The following IL4I1 variants were observed in gnomAD, a reference collection of about 807,000 sequenced individuals.
IL4I1 encodes L-amino-acid oxidase.
In IL4I1, 24 loss-of-function variants were observed where a neutral mutation model predicts 29.7. The observed-to-expected ratio is 0.81, with a 90% CI of 0.59 to 1.14. The LOEUF (loss-of-function observed/expected upper bound fraction) is 1.14. Among genes scored for constraint, IL4I1 ranks in the 50% most tolerant of loss-of-function variants. The pLI, the probability that IL4I1 is intolerant of heterozygous loss-of-function variation, is 0.00. For synonymous variants in IL4I1, 371 were observed against 352.5 expected (o/e 1.05, Z -0.59); for missense variants, 686 against 785.6 (o/e 0.87, Z 1.52).
intron 7 of IL4I1, 42 bp downstream of exon 7, chr19:49,890,929 G>GCCCGGC: frequency 2.2e-6 from 1 of 454,452 alleles, no homozygotes; most frequent in Non-Finnish European, 3.5e-6. Flanking sequence ...TTCCCTGATT[G>GCCCGGC]CCCCCCGCCC....
rs1178865998 is a variant in IL4I1 at position 49,921,101 on chromosome 19, T to C, written c.-228+6593A>G. On this transcript the variant is annotated intron_variant, in intron 2 of 9. Transcript: ENST00000341114. The surrounding 1 kb of genome is among the most constrained non-coding windows in gnomAD (Gnocchi z 5.4). Reference sequence around the variant, plus strand: ...CGGACATCTCCACACCCACATTTCATGGCATTTCTCACGCGCTGGGCTGTT... The same window carrying C: ...CGGACATCTCCACACCCACATTTCACGGCATTTCTCACGCGCTGGGCTGTT... Among the ~76,000 whole-genome samples, 3 of 152,308 alleles carry C rather than the reference T, an allele frequency of 2.0e-5. No homozygotes were observed. In the East Asian group the frequency reaches 5.8e-4, roughly 29 times the overall value.
intron 2 of IL4I1, chr19:49,909,559 C>G (rs780658950): frequency 1.2e-6 from 2 of 1,614,138 alleles, no homozygotes; most frequent in Admixed American, 3.3e-5. Flanking sequence ...CAGTTCCCCC[C>G]GAAGCAAGAG....
At chr19:49,890,713 C>T in intron 7 of IL4I1, 113 bp from the exon 8 acceptor site, 2 of 994,732 alleles carry the variant, frequency 2.0e-6, no homozygotes, top group Non-Finnish European at 1.4e-6. Context: ...GCCCGCTCCC[C>T]CGTCATCCAC....
chr19:49,923,744 C>T (rs910393081), intron 2 of IL4I1, among the ~76,000 whole-genome samples: 3 of 152,232 alleles, frequency 2.0e-5, no homozygotes, highest in Non-Finnish European at 2.9e-5. Context: ...CCCCATTTTA[C>T]GGAGGGGAAA....
At chr19:49,901,978 T>G in intron 3 of IL4I1, 1 of 270,344 alleles carries the variant, frequency 3.7e-6, no homozygotes, top group Non-Finnish European at 7.0e-6. Context: ...GGATTTATTT[T>G]AGAGCAAGTC....
At chr19:49,907,064 C>T (rs897121324) in intron 2 of IL4I1, 6 of 156,024 alleles carry the variant, frequency 3.8e-5, no homozygotes, top group African/African-American at 1.4e-4. Flanking sequence ...TGACGTTACA[C>T]TGGGCTTCAT....
intron 2 of IL4I1, chr19:49,909,817 C>T: frequency 6.2e-7 from 1 of 1,613,750 alleles, no homozygotes. Context: ...TGGCTCCGGA[C>T]TCTGGTGGCG....
At chr19:49,891,217 T>G in intron 6 of IL4I1, 110 bp from the exon 7 acceptor site, 1 of 1,495,130 alleles carries the variant, frequency 6.7e-7, no homozygotes, top group African/African-American at 1.4e-5. Flanking sequence ...GACCGTAGGA[T>G]CCTGTCCCCA....
intron 2 of IL4I1, chr19:49,909,642 A>ACCCTTCCACAAC (rs1244976439): frequency 6.2e-7 from 1 of 1,614,000 alleles, no homozygotes; most frequent in Non-Finnish European, 8.5e-7. Flanking sequence ...AGGCCGGTGG[A>ACCCTTCCACAAC]AGGGGTACTT....
At position 49,905,938 on chromosome 19, in the gene IL4I1, G is replaced by A. The variant is rs184720731; in HGVS notation, c.-227-1617C>T. ...AATAATGACTCATGATCATGACTTC[G>A]GGAGACTTTTGGAACCTGGGCCATG... On this transcript the variant is annotated intron_variant, in intron 2 of 9. Coordinates refer to the IL4I1 transcript ENST00000341114. Among the ~76,000 whole-genome samples the A allele has an allele frequency of 8.0e-4, 122 of 152,098 alleles. 2 individuals carry two copies. The East Asian group carries it at 0.023, about 28-fold the overall frequency.
chr19:49,925,503 C>A (rs2075866534), intron 2 of IL4I1, among the ~76,000 whole-genome samples: 1 of 151,540 alleles, frequency 6.6e-6, no homozygotes, highest in Non-Finnish European at 1.5e-5. Context: ...ATCCCGCAAT[C>A]CCAGTCTGAG....
At chr19:49,908,850 C>T (rs994182734) in intron 2 of IL4I1, 2 of 1,612,102 alleles carry the variant, frequency 1.2e-6, no homozygotes, top group African/African-American at 1.3e-5. Flanking sequence ...GCCGCCCCTG[C>T]AGCTGCGCCA....
intron 2 of IL4I1, among the ~76,000 whole-genome samples, chr19:49,914,557 G>A (rs973825378): frequency 6.6e-6 from 1 of 151,972 alleles, no homozygotes; most frequent in African/African-American, 2.4e-5. Context: ...CACAGCCCTG[G>A]GAACCCGGAG....
intron 2 of IL4I1, chr19:49,927,609 A>G (rs2075933663): frequency 6.6e-6 from 1 of 152,222 alleles, no homozygotes; most frequent in Non-Finnish European, 1.5e-5. Context: ...AGTGGACAGT[A>G]AGTGCTCTAA....
chr19:49,890,965 C>CCCCCCCCCCCCG lies in IL4I1; in HGVS notation c.773+5_773+6insCGGGGGGGGGGG. On this transcript the variant is annotated splice_donor_region_variant and intron_variant, in intron 7 of 7. Coordinates refer to ENST00000391826, the MANE Select transcript of IL4I1 (RefSeq NM_152899.2). ...CCCCCCCCTGCCCGCCAGCCCCGCC[C>CCCCCCCCCCCCG]CTTACTGGAGTCTGTCGCTGAGGCA... is the stretch of plus-strand genomic sequence containing the variant. 6.5e-7 allele frequency: 1 copy of CCCCCCCCCCCCG among 1,531,630 alleles called. No individual in the cohort carries two copies. Among genetic ancestry groups the CCCCCCCCCCCCG allele is most frequent in the Non-Finnish European group, 8.8e-7 (1 of 1,137,636 alleles). 94.9% of individuals were successfully genotyped at this position (1,531,630 alleles called of 1,614,324 possible). A position where few individuals can be genotyped will look rare whatever the true frequency, so the allele number is the denominator to read the frequency against.
rs372183610 is a variant in IL4I1 at position 49,890,480 on chromosome 19, G to C, written c.894C>G (p.His298Gln). The part of the protein sequence containing the change: ...VAMTQGPHDV[H>Q]VQIETSPPAR... ...CCGGGGGAGAGGTCTCGATCTGCAC[G>C]TGCACATCGTGCGGTCCCTGGGTCA... is the stretch of plus-strand genomic sequence containing the variant. Residue 298 changes from histidine to glutamine, a missense_variant, in exon 8 of 8, where the codon CAC becomes CAG. By Grantham distance (24) the His-to-Gln change is conservative. Coordinates refer to ENST00000391826, the MANE Select transcript of IL4I1 (RefSeq NM_152899.2). 2 of 1,611,716 alleles carry C rather than the reference G, an allele frequency of 1.2e-6. No homozygotes were observed. The highest frequency in any genetic ancestry group is 2.7e-5 in the African/African-American group (2 of 74,904).
rs938624243 is a variant in IL4I1, at chr19:49,909,539, A to G, written c.-227-5218T>C. The G allele has an allele frequency of 1.9e-6, 3 of 1,614,066 alleles. No homozygotes were observed. The Admixed American group carries it at 5.0e-5, about 27-fold the overall frequency. ...GTTGAGCTTTGAAGCACCGATCCCC[A>G]AAGAAAATCCAGTTCCCCCCGAAGC... On this transcript the variant is annotated intron_variant, in intron 2 of 9. Transcript: ENST00000341114.
intron 2 of IL4I1, among the ~76,000 whole-genome samples, chr19:49,905,216 A>C (rs903250165): frequency 6.6e-6 from 1 of 152,226 alleles, no homozygotes; most frequent in African/African-American, 2.4e-5. Context: ...AAAAATATAC[A>C]TGTACACTTT....
At chr19:49,920,749 C>T (rs537238025) in intron 2 of IL4I1, among the ~76,000 whole-genome samples, 1 of 152,178 alleles carries the variant, frequency 6.6e-6, no homozygotes, top group Non-Finnish European at 1.5e-5. Context: ...CTCTGGTTGG[C>T]GGTGCAGGCA....
Sources: gnomAD v4.1 joint callset for allele counts (sites outside exome capture counted in the v4.1 genomes callset) on GRCh38, gnomAD v4.1.1 for gene constraint, Gnocchi (gnomAD v3.1) non-coding constraint, MANE v1.5 for transcripts, NCBI Gene and HGNC (gene_info 2026-07-23, HGNC 2026-07-21) for gene names.